Variants in SOX5 observed in about 807,000 individuals in gnomAD.
SOX5 encodes transcription factor SOX-5.
A neutral mutation model predicts 92.0 loss-of-function variants in SOX5; 9 were observed. The ratio of observed to expected loss-of-function variants is 0.10; its 90% CI spans 0.06 to 0.17. The LOEUF (loss-of-function observed/expected upper bound fraction) is 0.17, where lower values mean the gene tolerates loss of function less well. Among genes scored for constraint, SOX5 ranks in the 10% least tolerant of loss-of-function variants. SOX5 has a pLI of 1.00. For synonymous variants in SOX5, 344 were observed against 336.3 expected (o/e 1.02, Z -0.25); for missense variants, 642 against 944.5 (o/e 0.68, Z 4.20).
intron 4 of SOX5, among the ~76,000 whole-genome samples, chr12:24,071,059 A>G (rs1941698300): frequency 6.6e-6 from 1 of 152,196 alleles, no homozygotes; most frequent in African/African-American, 2.4e-5. Flanking sequence ...ATACAATAGA[A>G]GACTGGCGTT....
intron 4 of SOX5, among the ~76,000 whole-genome samples, chr12:24,100,103 C>A (rs1210748612): frequency 6.6e-6 from 1 of 152,102 alleles, no homozygotes; most frequent in Non-Finnish European, 1.5e-5. Context: ...GTTCTTTCTC[C>A]CCTTTCCTGC....
At chr12:23,777,361 T>A (rs552092114) in intron 3 of SOX5, among the ~76,000 whole-genome samples, 18 of 152,194 alleles carry the variant, frequency 1.2e-4, no homozygotes, top group Non-Finnish European at 1.5e-5. Context: ...TTGTTAGATC[T>A]AATTAAATAT....
chr12:24,184,185 T>C (rs761051741), intron 4 of SOX5, among the ~76,000 whole-genome samples: 4 of 152,122 alleles, frequency 2.6e-5, no homozygotes, highest in Non-Finnish European at 2.9e-5. Flanking sequence ...CTGGCAGTCA[T>C]TGACAACCAG....
chr12:24,171,480 C>T (rs1565582202), intron 4 of SOX5, among the ~76,000 whole-genome samples: 2 of 152,116 alleles, frequency 1.3e-5, no homozygotes, highest in African/African-American at 4.8e-5. Flanking sequence ...GCCTCGGCTT[C>T]CCAAAGGGCT....
rs140474198 is a variant in SOX5 at position 23,884,356 on chromosome 12, T to C, written c.270+11437A>G. The stretch of plus-strand genomic sequence containing the variant: ...CTAATACCCTATGCCAACTCTCTTA[T>C]AGCCAGAACACAAATTAATATATTA... On this transcript the variant is annotated intron_variant, in intron 2 of 14. Coordinates refer to ENST00000451604, the MANE Select transcript of SOX5 (RefSeq NM_006940.6). Among the ~76,000 whole-genome samples, 21 of 152,338 alleles carry C rather than the reference T, an allele frequency of 1.4e-4. No homozygotes were observed. In the East Asian group the frequency reaches 4.1e-3, roughly 29 times the overall value.
At chr12:23,881,588 C>T (rs2096990454) in intron 2 of SOX5, among the ~76,000 whole-genome samples, 1 of 152,182 alleles carries the variant, frequency 6.6e-6, no homozygotes, top group Middle Eastern at 3.4e-3. Flanking sequence ...TCAAGGGGAG[C>T]GATTAAACTG....
intron 2 of SOX5, among the ~76,000 whole-genome samples, chr12:24,305,654 G>C (rs555273750): frequency 6.6e-6 from 1 of 152,298 alleles, no homozygotes; most frequent in Admixed American, 6.5e-5. Flanking sequence ...CTGGAGTGCA[G>C]TGGCGCGATC....
At chr12:24,318,352 T>G (rs140801277) in intron 2 of SOX5, among the ~76,000 whole-genome samples, 192 of 152,332 alleles carry the variant, frequency 1.3e-3, no homozygotes, top group African/African-American at 4.3e-3. Context: ...ATGCCTTTCC[T>G]GTCCTCTTAA....
intron 3 of SOX5, among the ~76,000 whole-genome samples, chr12:23,830,742 TC>T (rs35809606): frequency 5.3e-5 from 8 of 152,090 alleles, no homozygotes; most frequent in Admixed American, 4.6e-4. Flanking sequence ...CTCCATAATT[TC>T]CCCATAAAAA....
In SOX5 at chr12:24,450,681, G is replaced by A. The variant is rs1410678120; in HGVS notation, c.-250-82042C>T. On this transcript the variant is annotated intron_variant, in intron 1 of 4. Transcript: ENST00000446891. ...GGCTTTTTGTATTTTTAGCAGAGAC[G>A]GGTTTCACCATATTGGCCAGGCTGG... is the stretch of plus-strand genomic sequence containing the variant. Among the ~76,000 whole-genome samples, 7 of 151,874 alleles carry A rather than the reference G, an allele frequency of 4.6e-5. No individual in the cohort carries two copies. In the South Asian group the frequency reaches 6.2e-4, roughly 13 times the overall value.
intron 1 of SOX5, among the ~76,000 whole-genome samples, chr12:24,372,855 C>A (rs1389910319): frequency 6.6e-6 from 1 of 150,972 alleles, no homozygotes; most frequent in Non-Finnish European, 1.5e-5. Flanking sequence ...CAGTGGCTCA[C>A]GTCTGTAATC....
chr12:23,909,727 T>C (rs1487855945), intron 1 of SOX5, among the ~76,000 whole-genome samples: 1 of 152,098 alleles, frequency 6.6e-6, no homozygotes, highest in Middle Eastern at 3.2e-3. Context: ...GTGTCTAACA[T>C]GCTGACCACT....
exon 4 of SOX5, chr12:24,213,402 T>C (rs921171400): frequency 8.1e-6 from 1 of 123,766 alleles, no homozygotes; most frequent in African/African-American, 3.2e-5. Context: ...CTTGATATTA[T>C]CTATTTCTTG....
intron 4 of SOX5, among the ~76,000 whole-genome samples, chr12:24,005,147 T>A (rs1952020926): frequency 6.6e-6 from 1 of 151,856 alleles, no homozygotes; most frequent in African/African-American, 2.4e-5. Context: ...AAATTTGTAT[T>A]GTGGTGATGG....
chr12:24,181,693 T>A (rs1279135595), intron 4 of SOX5, among the ~76,000 whole-genome samples: 3 of 152,196 alleles, frequency 2.0e-5, no homozygotes, highest in Non-Finnish European at 4.4e-5. Context: ...CTAGTATTAT[T>A]GTTATTGTTG....
chr12:24,424,488 T>A (rs1966404432), intron 1 of SOX5, among the ~76,000 whole-genome samples: 1 of 152,066 alleles, frequency 6.6e-6, no homozygotes, highest in Admixed American at 6.5e-5. Flanking sequence ...AAACAAGCAC[T>A]TTTCCCCCGC....
intron 3 of SOX5, among the ~76,000 whole-genome samples, chr12:24,214,875 T>C (rs999395128): frequency 1.3e-5 from 2 of 152,062 alleles, no homozygotes; most frequent in African/African-American, 4.8e-5. Flanking sequence ...TTTAGATCAT[T>C]TTAGAGTACA....
intron 3 of SOX5, among the ~76,000 whole-genome samples, chr12:24,220,395 T>C (rs934188956): frequency 6.6e-6 from 1 of 151,970 alleles, no homozygotes; most frequent in Admixed American, 6.6e-5. Context: ...GATATAAAAA[T>C]GATTCAAAGT....
intron 2 of SOX5, among the ~76,000 whole-genome samples, chr12:23,874,786 G>C (rs2096909612): frequency 1.3e-5 from 2 of 152,114 alleles, no homozygotes; most frequent in African/African-American, 4.8e-5. Flanking sequence ...TGAGAGAAAG[G>C]ATTAGTCTCA....
Sources: allele counts gnomAD v4.1 joint callset (sites outside exome capture counted in the v4.1 genomes callset), GRCh38; gene constraint gnomAD v4.1.1; transcripts MANE v1.5; gene names NCBI Gene and HGNC (gene_info 2026-07-23, HGNC 2026-07-21).